Variants in PVR observed in about 807,000 individuals in gnomAD.
PVR encodes the protein poliovirus receptor.
PVR carries 39 observed loss-of-function variants against 43.3 expected under a neutral mutation model. That is an observed-to-expected ratio of 0.90 (90% CI 0.70 to 1.18). The LOEUF (loss-of-function observed/expected upper bound fraction) is 1.18. Ranked by LOEUF, PVR falls within the 50% of genes most tolerant of loss-of-function variation. The pLI is 0.00. For missense variants in PVR, 480 were observed against 549.7 expected, an observed-to-expected ratio of 0.87 and a Z score of 1.27; for synonymous variants, 224 against 233.2, an observed-to-expected ratio of 0.96 and a Z score of 0.36.
At chr19:44,650,817 C>T (rs929895497) in intron 3 of PVR, among the ~76,000 whole-genome samples, 1 of 152,036 alleles carries the variant, frequency 6.6e-6, no homozygotes, top group African/African-American at 2.4e-5. Context: ...CCTGCCTCAG[C>T]CTCCCAAAGT....
At position 44,664,630 on chromosome 19, in the gene PVR, A is replaced by G. The variant is rs934111730; in HGVS notation, c.*2819A>G. 3 of 152,116 alleles carry G rather than the reference A, an allele frequency of 2.0e-5. No individual in the cohort carries two copies. The highest frequency in any genetic ancestry group is 7.2e-5 in the African/African-American group (3 of 41,430). 9.4% of individuals were successfully genotyped at this position (152,116 alleles called of 1,614,324 possible). ...CAGGGCTTTTTTAACGAGGCCTCTA[A>G]GGACAGGCATTTGTATCCTTTCCAG... On this transcript the variant is annotated 3_prime_UTR_variant, in exon 8 of 8. Coordinates refer to ENST00000425690, the MANE Select transcript of PVR (RefSeq NM_006505.5).
chr19:44,659,029 C>A, intron 6 of PVR, 129 bp downstream of exon 6: 1 of 816,298 alleles, frequency 1.2e-6, no homozygotes, highest in Non-Finnish European at 1.9e-6. Flanking sequence ...GATGAGGGTG[C>A]AGAGCCAGGG....
chr19:44,644,116 C>T lies in PVR; in HGVS notation c.20C>T (p.Ala7Val), dbSNP rs1973004115. Reference protein sequence around the residue: MARAMAAAWPLLLVALL... With the variant: MARAMAVAWPLLLVALL... Reference sequence around the variant, plus strand: ...ACTGGCATGGCCCGAGCCATGGCCGCCGCGTGGCCGCTGCTGCTGGTGGCG... The same window carrying T: ...ACTGGCATGGCCCGAGCCATGGCCGTCGCGTGGCCGCTGCTGCTGGTGGCG... Residue 7 changes from alanine (A) to valine (V), a missense_variant, in exon 1 of 8, where the codon GCC (alanine) becomes GTC (valine). Physicochemically the swap from Ala to Val is moderately conservative, Grantham distance 64. Transcript: ENST00000425690. The T allele has an allele frequency of 1.3e-6, 2 of 1,518,574 alleles. No individual in the cohort carries two copies. Among genetic ancestry groups the T allele is most frequent in the African/African-American group, 1.4e-5 (1 of 70,132 alleles). The allele number at this position is 1,518,574 out of a possible 1,614,324, so 94.1% of individuals were successfully genotyped here.
At position 44,661,933 on chromosome 19, in the gene PVR, G is replaced by C; in HGVS notation, c.*122G>C. Reference sequence around the variant, plus strand: ...GAGACCAGCCTCCCTCCCTGTGCCAGACCTCAAAACGACGGGGGCAGGTGC... The same window carrying C: ...GAGACCAGCCTCCCTCCCTGTGCCACACCTCAAAACGACGGGGGCAGGTGC... On this transcript the variant is annotated 3_prime_UTR_variant, in exon 8 of 8. Transcript: ENST00000425690. 6.5e-6 allele frequency: 6 copies of C among 923,758 alleles called. No homozygotes were observed. The highest frequency in any genetic ancestry group is 5.0e-6 in the Non-Finnish European group (3 of 598,842). The allele number at this position is 923,758 out of a possible 1,614,324, so 57.2% of individuals were successfully genotyped here.
chr19:44,649,692 A>T (rs1973223768), intron 2 of PVR, 117 bp from the exon 3 acceptor site: 1 of 1,130,926 alleles, frequency 8.8e-7, no homozygotes. Flanking sequence ...AAGTTCTGGG[A>T]TTATAGGCGT....
intron 5 of PVR, 115 bp downstream of exon 5, chr19:44,658,025 C>T: frequency 8.9e-7 from 1 of 1,127,398 alleles, no homozygotes; most frequent in Non-Finnish European, 1.3e-6. Flanking sequence ...ACAAAAGGAC[C>T]AGTGGGGCCA....
intron 4 of PVR, among the ~76,000 whole-genome samples, chr19:44,656,352 A>G (rs1973445302): frequency 6.6e-6 from 1 of 152,162 alleles, no homozygotes; most frequent in Non-Finnish European, 1.5e-5. Flanking sequence ...AAAGGTTTTC[A>G]ACTGGTGTGA....
rs1030659673 is a variant in PVR at position 44,664,695 on chromosome 19, A to G, written c.*2884A>G. ...AATGTTGTAGTGAATAACTTTACAC[A>G]CTGTCATTTATTTTACTTTTTTTTT... is the stretch of plus-strand genomic sequence containing the variant. On this transcript the variant is annotated 3_prime_UTR_variant, in exon 8 of 8. Transcript: ENST00000425690. The G allele has an allele frequency of 2.0e-5, 3 of 147,432 alleles. No individual in the cohort carries two copies. The highest frequency in any genetic ancestry group is 3.0e-5 in the Non-Finnish European group (2 of 67,172). The allele number at this position is 147,432 out of a possible 1,614,324, so 9.1% of individuals were successfully genotyped here. A position where few individuals can be genotyped will look rare whatever the true frequency, so the allele number is the denominator to read the frequency against.
At chr19:44,649,280 T>C (rs571982688) in intron 2 of PVR, among the ~76,000 whole-genome samples, 1 of 152,246 alleles carries the variant, frequency 6.6e-6, no homozygotes, top group South Asian at 2.1e-4. Context: ...TTATATACCA[T>C]TCTAAGAGCT....
chr19:44,655,927 T>C (rs567265175), intron 4 of PVR, among the ~76,000 whole-genome samples: 5 of 144,988 alleles, frequency 3.4e-5, no homozygotes, highest in African/African-American at 5.1e-5. Context: ...TGTAGTGCCG[T>C]GGCACAATCA....
chr19:44,658,667 C>G, intron 5 of PVR, 75 bp from the exon 6 acceptor site: 1 of 1,355,836 alleles, frequency 7.4e-7, no homozygotes, highest in East Asian at 2.3e-5. Context: ...TAAGGAAATT[C>G]AAGATGCCAT....
chr19:44,653,116 C>T (rs1372894793), intron 3 of PVR, among the ~76,000 whole-genome samples: 3 of 152,098 alleles, frequency 2.0e-5, no homozygotes, highest in Admixed American at 1.3e-4. Context: ...TCGTCAGCTC[C>T]CGGGGACACA....
chr19:44,659,659 T>C (rs1973544328), intron 6 of PVR, among the ~76,000 whole-genome samples: 1 of 151,926 alleles, frequency 6.6e-6, no homozygotes, highest in Non-Finnish European at 1.5e-5. Context: ...TTTTTGTATT[T>C]TTAGGAGAGA....
intron 6 of PVR, among the ~76,000 whole-genome samples, chr19:44,660,729 G>C (rs1042927474): frequency 5.9e-5 from 9 of 151,962 alleles, no homozygotes; most frequent in Admixed American, 3.3e-4. Flanking sequence ...TCGTTGTGTT[G>C]CCCAAGCTGG....
chr19:44,646,738 C>G (rs1973124802), intron 1 of PVR, among the ~76,000 whole-genome samples: 1 of 152,066 alleles, frequency 6.6e-6, no homozygotes, highest in South Asian at 2.1e-4. Flanking sequence ...CGCCACTGCA[C>G]TCCCCCTGGG....
intron 6 of PVR, among the ~76,000 whole-genome samples, chr19:44,659,438 G>C: frequency 6.6e-6 from 1 of 152,048 alleles, no homozygotes; most frequent in East Asian, 1.9e-4. Flanking sequence ...CACTTTGTAT[G>C]TATAACCCCC....
At chr19:44,652,828 A>C (rs1241880063) in intron 3 of PVR, among the ~76,000 whole-genome samples, 2 of 152,190 alleles carry the variant, frequency 1.3e-5, no homozygotes, top group African/African-American at 4.8e-5. Context: ...ATTAATTTTT[A>C]ATAATTGCCT....
intron 4 of PVR, 31 bp from the exon 5 acceptor site, chr19:44,657,731 G>A: frequency 6.2e-7 from 1 of 1,612,848 alleles, no homozygotes; most frequent in South Asian, 1.1e-5. Flanking sequence ...CTGCAGCAGA[G>A]GCCACCTCCT....
chr19:44,645,622 A>AT (rs1484903117), intron 1 of PVR, among the ~76,000 whole-genome samples: 2 of 149,552 alleles, frequency 1.3e-5, no homozygotes, highest in African/African-American at 2.5e-5. Flanking sequence ...CACCTGGCTA[A>AT]TTTTTTTTGT....
Sources: allele counts gnomAD v4.1 joint callset (sites outside exome capture counted in the v4.1 genomes callset), GRCh38; gene constraint gnomAD v4.1.1; transcripts MANE v1.5; gene names NCBI Gene and HGNC (gene_info 2026-07-23, HGNC 2026-07-21).